The following GNB5 variants were observed in gnomAD, a reference collection of about 807,000 sequenced individuals.
GNB5 encodes guanine nucleotide-binding protein subunit beta-5.
In GNB5, 37 loss-of-function variants were observed where a neutral mutation model predicts 55.3. That is an observed-to-expected ratio of 0.67 (90% CI 0.51 to 0.88). GNB5 has a LOEUF of 0.88. GNB5 is among the 40% of genes least tolerant of loss of function. GNB5 has a pLI of 0.00. For missense variants in GNB5, 476 were observed against 515.3 expected, an observed-to-expected ratio of 0.92 and a Z score of 0.74; for synonymous variants, 219 against 198.5, an observed-to-expected ratio of 1.10 and a Z score of -0.87.
chr15:52,125,722 G>C (rs1003080821), intron 11 of GNB5: 11 of 494,180 alleles, frequency 2.2e-5, no homozygotes, highest in Non-Finnish European at 4.0e-5. Flanking sequence ...GACAGCATTA[G>C]GTGGGTACAC....
In GNB5 at chr15:52,177,781, TA is replaced by T. The variant is rs201991924; in HGVS notation, c.238+1986del. On this transcript the variant is annotated intron_variant, in intron 3 of 12. Transcript: ENST00000261837. ...CAAGAAGCAAAGGCTTTATGCGGGG[TA>T]GAAGAGAAGTGGTCTGGAAGCTGCA... 4.9e-3 allele frequency among the ~76,000 whole-genome samples: 744 copies of T among 151,990 alleles called. 18 individuals carry two copies. The highest frequency in any genetic ancestry group is 0.026 in the Admixed American group (396 of 15,276).
chr15:52,136,028 T>A (rs1247616698), intron 7 of GNB5, among the ~76,000 whole-genome samples: 2 of 133,792 alleles, frequency 1.5e-5, no homozygotes, highest in African/African-American at 5.8e-5. Context: ...CCGGGGGCAG[T>A]CAATCAGAGG....
chr15:52,150,420 T>C (rs2034068163), intron 4 of GNB5, among the ~76,000 whole-genome samples: 2 of 152,102 alleles, frequency 1.3e-5, no homozygotes, highest in Admixed American at 6.5e-5. Flanking sequence ...GGAACCCCCC[T>C]CCCCATTCTC....
rs758872451 is a variant in GNB5 at position 52,179,729 on chromosome 15, G to C, written c.238+39C>G. 5 of 927,402 alleles carry C rather than the reference G, an allele frequency of 5.4e-6. No individual in the cohort carries two copies. In the African/African-American group the frequency reaches 7.1e-5, roughly 13 times the overall value. The allele number at this position is 927,402 out of a possible 1,614,324, so 57.4% of individuals were successfully genotyped here. A position where few individuals can be genotyped will look rare whatever the true frequency, so the allele number is the denominator to read the frequency against. ...GTCCCCGCCCGGGAAGTGGCGAGCC[G>C]GTCCGGCTTGCCCCGCCCGCCTCCC... On this transcript the variant is annotated intron_variant, in intron 3 of 12. Coordinates refer to ENST00000261837, the MANE Select transcript of GNB5 (RefSeq NM_016194.4).
intron 2 of GNB5, among the ~76,000 whole-genome samples, chr15:52,181,366 A>G (rs1198076190): frequency 6.6e-6 from 1 of 152,208 alleles, no homozygotes; most frequent in Non-Finnish European, 1.5e-5. Context: ...CTGTAATCCC[A>G]ACACTTCGGG....
rs60470864 is a variant in GNB5 at position 52,169,538 on chromosome 15, C to CAAAAAAAAA, written c.238+10221_238+10229dup. On this transcript the variant is annotated intron_variant, in intron 3 of 12. Coordinates refer to ENST00000261837, the MANE Select transcript of GNB5 (RefSeq NM_016194.4). ...GGGTGACAAGAGCGAGACTCTGTCT[C>CAAAAAAAAA]AAAAAAAAAAAAAAAAAAAAAAAAA... is the stretch of plus-strand genomic sequence containing the variant. Among the ~76,000 whole-genome samples, 220 of 71,452 alleles carry CAAAAAAAAA rather than the reference C, an allele frequency of 3.1e-3. 1 individual carries two copies. Among genetic ancestry groups the CAAAAAAAAA allele is most frequent in the Middle Eastern group, 0.014 (1 of 72 alleles). 46.9% of individuals were successfully genotyped at this position (71,452 alleles called of 152,430 possible).
chr15:52,190,622 A>C (rs371402671), intron 1 of GNB5, among the ~76,000 whole-genome samples: 6 of 152,160 alleles, frequency 3.9e-5, no homozygotes, highest in African/African-American at 1.2e-4. Context: ...GGATGCAGAG[A>C]CTGGAACTGC....
intron 3 of GNB5, among the ~76,000 whole-genome samples, chr15:52,177,333 G>C (rs1045830465): frequency 6.6e-6 from 1 of 151,612 alleles, no homozygotes; most frequent in African/African-American, 2.4e-5. Context: ...CTGTCGGTCC[G>C]AGACCCTGTC....
At chr15:52,180,003 A>T (rs1013452572) in intron 2 of GNB5, 124 bp from the exon 3 acceptor site, 21 of 1,227,512 alleles carry the variant, frequency 1.7e-5, no homozygotes, top group Non-Finnish European at 2.0e-5. Flanking sequence ...CTCCGCGATG[A>T]CGCCAGCAGC....
chr15:52,137,499 G>A, intron 7 of GNB5: 1 of 1,018,244 alleles, frequency 9.8e-7, no homozygotes, highest in Non-Finnish European at 1.2e-6. Flanking sequence ...CTTCTGGGCA[G>A]GAGAATGAGA....
rs549026196 is a variant in GNB5, at chr15:52,117,803, T to C, written c.*4954A>G. ...CAGTGGGCCTCCGGCTCAGATTTCCTGGCCCACCTCAGGCCCGCCCAGTCC... is the reference window on the plus strand; with the variant it reads ...CAGTGGGCCTCCGGCTCAGATTTCCCGGCCCACCTCAGGCCCGCCCAGTCC... On this transcript the variant is annotated 3_prime_UTR_variant, in exon 13 of 13. Coordinates refer to ENST00000261837, the MANE Select transcript of GNB5 (RefSeq NM_016194.4). 6.6e-6 allele frequency: 1 copy of C among 152,454 alleles called. No homozygotes were observed. Among genetic ancestry groups the C allele is most frequent in the South Asian group, 2.1e-4 (1 of 4,824 alleles). 9.4% of individuals were successfully genotyped at this position (152,454 alleles called of 1,614,324 possible).
intron 1 of GNB5, among the ~76,000 whole-genome samples, chr15:52,189,416 TC>T (rs2034889111): frequency 6.6e-6 from 1 of 151,896 alleles, no homozygotes; most frequent in Non-Finnish European, 1.5e-5. Context: ...AAACCCCATA[TC>T]TACTATACAA....
intron 3 of GNB5, among the ~76,000 whole-genome samples, chr15:52,177,028 C>CTTT (rs545411940): frequency 0.029 from 2,261 of 77,870 alleles, 181 homozygotes; most frequent in African/African-American, 0.084. Flanking sequence ...CTAGCTCCTC[C>CTTT]TTTTTTTTTT....
intron 8 of GNB5, 100 bp downstream of exon 8, chr15:52,135,513 A>T: frequency 5.9e-6 from 6 of 1,023,624 alleles, no homozygotes; most frequent in Non-Finnish European, 8.8e-6. Flanking sequence ...AGCCCCTTCT[A>T]GGGAAGTGCC....
At chr15:52,172,781 A>G (rs973565140) in intron 3 of GNB5, among the ~76,000 whole-genome samples, 3 of 152,156 alleles carry the variant, frequency 2.0e-5, no homozygotes, top group African/African-American at 7.2e-5. Flanking sequence ...CAGTAAATGT[A>G]TAGATGGGTA....
At chr15:52,154,142 A>G in intron 3 of GNB5, 66 bp from the exon 4 acceptor site, 1 of 1,510,518 alleles carries the variant, frequency 6.6e-7, no homozygotes, top group South Asian at 1.2e-5. Context: ...GGGCTGACAC[A>G]GCACAGACAT....
At chr15:52,157,250 C>A (rs114956217) in intron 3 of GNB5, among the ~76,000 whole-genome samples, 1,629 of 111,154 alleles carry the variant, frequency 0.015, 23 homozygotes, top group African/African-American at 0.053. Context: ...TCTTATAGGC[C>A]TTTTTTTTTT....
In GNB5 at chr15:52,124,549, T is replaced by C; in HGVS notation, c.1100A>G (p.Glu367Gly). The change falls in exon 12 of 13, where the codon GAA becomes GGA. Residue 367 changes from glutamate (E) to glycine (G), a missense_variant. Physicochemically the swap from Glu to Gly is moderately conservative, Grantham distance 98. Transcript: ENST00000261837. ...GSRVSILFGHENRVSTLRVSP... is the reference protein window; with the variant it reads ...GSRVSILFGHGNRVSTLRVSP... ...AACTCGTAGAGTGCTAACGCGGTTT[T>C]CATGTCCAAACAGGATGGAGACCCG... is the stretch of plus-strand genomic sequence containing the variant. 1 of 1,613,884 alleles carries C rather than the reference T, an allele frequency of 6.2e-7. No individual in the cohort carries two copies. The highest frequency in any genetic ancestry group is 8.5e-7 in the Non-Finnish European group (1 of 1,179,706).
intron 3 of GNB5, among the ~76,000 whole-genome samples, chr15:52,161,131 G>C (rs982195653): frequency 2.6e-5 from 4 of 152,136 alleles, no homozygotes; most frequent in African/African-American, 9.7e-5. Flanking sequence ...GCTCAGAGAG[G>C]CTAAGGACCT....
Sources: allele counts gnomAD v4.1 joint callset (sites outside exome capture counted in the v4.1 genomes callset), GRCh38; gene constraint gnomAD v4.1.1; transcripts MANE v1.5; gene names NCBI Gene and HGNC (gene_info 2026-07-23, HGNC 2026-07-21).